Variants in ABCC12 observed in about 807,000 individuals in gnomAD.
The protein encoded by ABCC12 is ATP binding cassette subfamily C member 12.
Under a neutral mutation model 151.1 loss-of-function variants are expected in ABCC12, and 142 were observed. The ratio of observed to expected loss-of-function variants is 0.94; its 90% CI spans 0.82 to 1.08. The LOEUF (loss-of-function observed/expected upper bound fraction) is 1.08, where lower values mean the gene tolerates loss of function less well. Ranked by LOEUF, ABCC12 falls within the 50% of genes least tolerant of loss-of-function variation. ABCC12 has a pLI of 0.00. For missense variants in ABCC12, 1,638 were observed against 1,691.1 expected, an observed-to-expected ratio of 0.97 and a Z score of 0.55; for synonymous variants, 645 against 646.4, an observed-to-expected ratio of 1.00 and a Z score of 0.03.
At chr16:48,146,972 C>T (rs1226657629) in intron 2 of ABCC12, among the ~76,000 whole-genome samples, 1 of 152,046 alleles carries the variant, frequency 6.6e-6, no homozygotes, top group African/African-American at 2.4e-5. Flanking sequence ...CACACCCACG[C>T]ACACACATGC....
In ABCC12 at chr16:48,083,735, C is replaced by G. The variant is rs763646047; in HGVS notation, c.4060G>C (p.Ala1354Pro). The change falls in exon 31 of 31, where the codon GCA becomes CCA. Residue 1354 changes from alanine to proline, a missense_variant. Physicochemically the swap from Ala to Pro is conservative, Grantham distance 27. Transcript: ENST00000311303. ...KPDSAFAMLL[A>P]AEVRL ...GACCTCTACAATCTGACTTCTGCTG[C>G]TAGTAACATCGCAAATGCAGAATCT... is the stretch of plus-strand genomic sequence containing the variant. 6.2e-7 allele frequency: 1 copy of G among 1,614,204 alleles called. No individual in the cohort carries two copies. Among genetic ancestry groups the G allele is most frequent in the South Asian group, 1.1e-5 (1 of 91,074 alleles).
chr16:48,138,263 TAC>T lies in ABCC12; in HGVS notation c.942_943del (p.Met314IlefsTer65). ...GTTGGTAAAAGATTTCTCCCAGGCA[TAC>T]ATTTTGATCAGCCTGATGCAGGTCA... On this transcript the variant is annotated frameshift_variant, in exon 8 of 31. Coordinates refer to ENST00000311303, the MANE Select transcript of ABCC12 (RefSeq NM_001393797.1). LOFTEE classifies it high-confidence loss of function. 6.2e-7 allele frequency: 1 copy of T among 1,611,990 alleles called. No homozygotes were observed. The highest frequency in any genetic ancestry group is 8.5e-7 in the Non-Finnish European group (1 of 1,178,336).
Position 48,153,789 on chromosome 16 carries a change from T to G in ABCC12, c.-224A>C, listed in dbSNP as rs778681935. 3 of 152,156 alleles carry G rather than the reference T, an allele frequency of 2.0e-5. No homozygotes were observed. The highest frequency in any genetic ancestry group is 2.9e-5 in the Non-Finnish European group (2 of 68,038). The allele number at this position is 152,156 out of a possible 1,614,324, so 9.4% of individuals were successfully genotyped here. ...TAGGAAATTGGTGCTAGAAGGTAAT[T>G]TCCTTGAGTGCTCCCCAGGGCATGT... On this transcript the variant is annotated 5_prime_UTR_variant, in exon 2 of 31. Coordinates refer to ENST00000311303, the MANE Select transcript of ABCC12 (RefSeq NM_001393797.1).
rs766534880 is a variant in ABCC12 at position 48,111,445 on chromosome 16, C to A, written c.2272G>T (p.Asp758Tyr). The change falls in exon 18 of 31, where the codon GAC (aspartate) becomes TAC (tyrosine). Residue 758 changes from aspartate to tyrosine, a missense_variant. By Grantham distance (160) the Asp-to-Tyr change is radical. Transcript: ENST00000311303. ...GATGTGTGGTAAATACCTTTTGTGT[C>A]TACAAATTCTGAGCCTGTTTCAGAT... The part of the protein sequence containing the change: ...KESETGSEFV[D>Y]TKVPEHQLIQ... The A allele has an allele frequency of 3.2e-5, 51 of 1,613,976 alleles. No individual in the cohort carries two copies. In the Middle Eastern group the frequency reaches 4.9e-4, roughly 16 times the overall value.
Position 48,140,711 on chromosome 16 carries a change from TG to T in ABCC12, c.632del (p.Thr211AsnfsTer2). 1 of 1,614,176 alleles carries T rather than the reference TG, an allele frequency of 6.2e-7. No individual in the cohort carries two copies. The highest frequency in any genetic ancestry group is 1.1e-5 in the South Asian group (1 of 91,076). On this transcript the variant is annotated frameshift_variant, in exon 6 of 31. Coordinates refer to ENST00000311303, the MANE Select transcript of ABCC12 (RefSeq NM_001393797.1). LOFTEE classifies it high-confidence loss of function. ...LVFENLVSFK[T>X]LTHISVGEVL... is the part of the protein sequence containing the mutation. Reference sequence around the variant, plus strand: ...CCTCGCCAACAGAGATGTGGGTCAATGTCTTGAAGGACACTAGGTTTTCAAA... The same window carrying T: ...CCTCGCCAACAGAGATGTGGGTCAATTCTTGAAGGACACTAGGTTTTCAAA...
rs1326023106 is a variant in ABCC12 at position 48,085,640 on chromosome 16, C to T, written c.3781G>A (p.Glu1261Lys). Residue 1261 changes from glutamate to lysine, a missense_variant, in exon 29 of 31, where the codon GAA (glutamate) becomes AAA (lysine). Coordinates refer to ENST00000311303, the MANE Select transcript of ABCC12 (RefSeq NM_001393797.1). ...TENGENFSVGERQLLCVARAL... is the reference protein window; with the variant it reads ...TENGENFSVGKRQLLCVARAL... ...CGGGCCACACAAAGCAGCTGACGTTCCCCTACTGAGAAGTTTTCTCCATTT... is the reference window on the plus strand; with the variant it reads ...CGGGCCACACAAAGCAGCTGACGTTTCCCTACTGAGAAGTTTTCTCCATTT... The T allele has an allele frequency of 6.2e-7, 1 of 1,614,166 alleles. No homozygotes were observed. The highest frequency in any genetic ancestry group is 1.1e-5 in the South Asian group (1 of 91,078).
chr16:48,088,773 T>G, intron 25 of ABCC12, 39 bp from the exon 26 acceptor site: 1 of 1,537,350 alleles, frequency 6.5e-7, no homozygotes, highest in Non-Finnish European at 8.9e-7. Flanking sequence ...GACTAGCCAT[T>G]TGTTTTTTCA....
chr16:48,115,512 G>A lies in ABCC12; in HGVS notation c.1892C>T (p.Ser631Leu), dbSNP rs372056603. ...RQLYLLDDPL[S>L]AVDAHVGKHV... ...CTTCCCCACGTGGGCGTCCACGGCC[G>A]ACAGGGGGTCGTCCAGCAGGTAGAG... The change falls in exon 15 of 31, where the codon TCG becomes TTG. Residue 631 changes from serine to leucine, a missense_variant. Ser to Leu is a moderately radical substitution (Grantham distance 145). Coordinates refer to ENST00000311303, the MANE Select transcript of ABCC12 (RefSeq NM_001393797.1). 111 of 1,614,170 alleles carry A rather than the reference G, an allele frequency of 6.9e-5. 1 individual carries two copies. Among genetic ancestry groups the A allele is most frequent in the Middle Eastern group, 1.6e-4 (1 of 6,062 alleles).
At position 48,104,348 on chromosome 16, in the gene ABCC12, A is replaced by T. The variant is rs9925287; in HGVS notation, c.2694T>A (p.Ser898Arg). Residue 898 changes from serine to arginine, a missense_variant, in exon 22 of 31, where the codon AGT becomes AGA. By Grantham distance (110) the Ser-to-Arg change is moderately radical (BLOSUM62 -1). Coordinates refer to ENST00000311303, the MANE Select transcript of ABCC12 (RefSeq NM_001393797.1). ...VFDKILKSPM[S>R]FFDTTPTGRL... is the part of the protein sequence containing the mutation. Reference sequence around the variant, plus strand: ...TGCCAGTGGGAGTCGTGTCAAAGAAACTCATTGGGCTCTTTAAGATCTGTG... The same window carrying T: ...TGCCAGTGGGAGTCGTGTCAAAGAATCTCATTGGGCTCTTTAAGATCTGTG... 6.2e-7 allele frequency: 1 copy of T among 1,614,060 alleles called. No individual in the cohort carries two copies. The highest frequency in any genetic ancestry group is 1.3e-5 in the African/African-American group (1 of 75,000).
chr16:48,083,622 G>A lies in ABCC12; in HGVS notation c.*93C>T. On this transcript the variant is annotated 3_prime_UTR_variant, in exon 31 of 31. Transcript: ENST00000311303. Reference sequence around the variant, plus strand: ...TGGATGGGAGGGGCTGAAGACCAGGGCTGCCTGCGGAGAGGACAGCCCCTC... The same window carrying A: ...TGGATGGGAGGGGCTGAAGACCAGGACTGCCTGCGGAGAGGACAGCCCCTC... 7.7e-7 allele frequency: 1 copy of A among 1,303,516 alleles called. No individual in the cohort carries two copies. Among genetic ancestry groups the A allele is most frequent in the Admixed American group, 2.0e-5 (1 of 49,616 alleles). 80.7% of individuals were successfully genotyped at this position (1,303,516 alleles called of 1,614,324 possible).
chr16:48,142,597 A>T (rs556242217), intron 4 of ABCC12, among the ~76,000 whole-genome samples: 1 of 152,316 alleles, frequency 6.6e-6, no homozygotes, highest in African/African-American at 2.4e-5. Flanking sequence ...GGCACAGATG[A>T]GGAGAAGCAC....
chr16:48,146,060 C>T (rs1041232582), intron 3 of ABCC12, among the ~76,000 whole-genome samples: 1 of 151,632 alleles, frequency 6.6e-6, no homozygotes, highest in Admixed American at 6.5e-5. Flanking sequence ...ATTTGTAAAG[C>T]ACTTGGACAG....
At chr16:48,112,062 C>A (rs1431577056) in intron 15 of ABCC12, 152 bp from the exon 16 acceptor site, 4 of 966,244 alleles carry the variant, frequency 4.1e-6, no homozygotes, top group African/African-American at 3.3e-5. Context: ...ATATTTACCA[C>A]CCTCCCTGGC....
intron 22 of ABCC12, 85 bp from the exon 23 acceptor site, chr16:48,101,094 A>G (rs1963292374): frequency 6.7e-7 from 1 of 1,492,004 alleles, no homozygotes; most frequent in African/African-American, 1.4e-5. Context: ...CCAACTAGGC[A>G]CTCAGCACAG....
At chr16:48,154,495 G>C (rs1287119255) in intron 1 of ABCC12, among the ~76,000 whole-genome samples, 1 of 152,116 alleles carries the variant, frequency 6.6e-6, no homozygotes, top group Non-Finnish European at 1.5e-5. Context: ...ACATGCTTTA[G>C]TTTGCCACAA....
At chr16:48,114,973 G>A (rs896287686) in intron 15 of ABCC12, among the ~76,000 whole-genome samples, 1 of 152,124 alleles carries the variant, frequency 6.6e-6, no homozygotes, top group Non-Finnish European at 1.5e-5. Context: ...TGATACCTGG[G>A]GCATCTGGGC....
At chr16:48,103,940 T>A (rs1963391924) in intron 22 of ABCC12, among the ~76,000 whole-genome samples, 1 of 152,172 alleles carries the variant, frequency 6.6e-6, no homozygotes, top group Non-Finnish European at 1.5e-5. Flanking sequence ...AGTGCCGTAA[T>A]CTTTCAATAG....
At chr16:48,151,894 C>T (rs573267318) in intron 2 of ABCC12, among the ~76,000 whole-genome samples, 2 of 152,270 alleles carry the variant, frequency 1.3e-5, no homozygotes, top group East Asian at 1.9e-4. Context: ...GAGGTCAATA[C>T]GGTCTGGGAG....
Position 48,083,576 on chromosome 16 carries a change from C to T in ABCC12, c.*139G>A, listed in dbSNP as rs1326661582. On this transcript the variant is annotated 3_prime_UTR_variant, in exon 31 of 31. Coordinates refer to ENST00000311303, the MANE Select transcript of ABCC12 (RefSeq NM_001393797.1). Reference sequence around the variant, plus strand: ...GGACTGAGTATGGCAGTGGGGACAACTTCAGCCCCAGCTCACTCCGTGGAT... The same window carrying T: ...GGACTGAGTATGGCAGTGGGGACAATTTCAGCCCCAGCTCACTCCGTGGAT... 1 of 899,250 alleles carries T rather than the reference C, an allele frequency of 1.1e-6. No individual in the cohort carries two copies. The highest frequency in any genetic ancestry group is 1.7e-6 in the Non-Finnish European group (1 of 581,106). The allele number at this position is 899,250 out of a possible 1,614,324, so 55.7% of individuals were successfully genotyped here.
Sources: allele counts gnomAD v4.1 joint callset (sites outside exome capture counted in the v4.1 genomes callset), GRCh38; gene constraint gnomAD v4.1.1; transcripts MANE v1.5; gene names NCBI Gene and HGNC (gene_info 2026-07-23, HGNC 2026-07-21).